The following ARHGAP29 variants were observed in gnomAD, a reference collection of about 807,000 sequenced individuals.
ARHGAP29 encodes rho GTPase-activating protein 29.
Under a neutral mutation model 122.6 loss-of-function variants are expected in ARHGAP29, and 43 were observed. That is an observed-to-expected ratio of 0.35 (90% CI 0.27 to 0.45). The LOEUF is 0.45. ARHGAP29 is among the 20% of genes least tolerant of loss of function. ARHGAP29 has a pLI of 1.00. For missense variants in ARHGAP29, 1,303 were observed against 1,477.2 expected (o/e 0.88, Z 1.93); for synonymous variants, 506 against 497.1 (o/e 1.02, Z -0.24).
the ARHGAP29 span, among the ~76,000 whole-genome samples, chr1:94,293,452 C>T: frequency 5.3e-5 from 8 of 152,328 alleles, no homozygotes; most frequent in South Asian, 1.7e-3. Flanking sequence ...GAGGTGACAC[C>T]CTGTCCTGCT....
chr1:94,286,537 G>A, the ARHGAP29 span, among the ~76,000 whole-genome samples: 35,469 of 151,962 alleles, frequency 0.23, 4,372 homozygotes, highest in East Asian at 0.46. Context: ...GCGTGGTGAT[G>A]CACAACTGTA....
chr1:94,223,489 C>T (rs989956040), intron 2 of ARHGAP29, among the ~76,000 whole-genome samples: 17 of 151,954 alleles, frequency 1.1e-4, no homozygotes, highest in Admixed American at 6.6e-4. Flanking sequence ...AAACACATAA[C>T]GCACTTAGAA....
chr1:94,260,836 G>T (rs905299953), intron 1 of ARHGAP29, among the ~76,000 whole-genome samples: 1 of 152,176 alleles, frequency 6.6e-6, no homozygotes, highest in Non-Finnish European at 1.5e-5. Context: ...GCTGATGCTG[G>T]TGTCTGAGGG....
At chr1:94,244,638 T>C (rs1197492031) in intron 1 of ARHGAP29, among the ~76,000 whole-genome samples, 1 of 151,956 alleles carries the variant, frequency 6.6e-6, no homozygotes, top group Non-Finnish European at 1.5e-5. Flanking sequence ...AGATGGTGGG[T>C]TGGGGACTTA....
chr1:94,179,080 G>A (rs565662679), intron 20 of ARHGAP29, among the ~76,000 whole-genome samples: 5 of 152,292 alleles, frequency 3.3e-5, no homozygotes, highest in African/African-American at 1.2e-4. Flanking sequence ...TTTGTCTGCA[G>A]ATCTGTCCCC....
chr1:94,275,309 G>A (rs895174290), upstream of ARHGAP29, among the ~76,000 whole-genome samples: 5 of 152,114 alleles, frequency 3.3e-5, no homozygotes, highest in Non-Finnish European at 7.4e-5. Flanking sequence ...TTACTAAGAA[G>A]GAAGGGAAAA....
rs75331991 is a variant in ARHGAP29, at chr1:94,264,110, C to T, written c.-33+10902G>A. Among the ~76,000 whole-genome samples the T allele has an allele frequency of 9.8e-3, 1,499 of 152,250 alleles. 23 individuals carry two copies. Among genetic ancestry groups the T allele is most frequent in the African/African-American group, 0.033 (1,384 of 41,542 alleles). ...TCTTCGTACGTAATGCCAAATTGAT[C>T]TCCAGAAAGAACAAACTTATTCACA... On this transcript the variant is annotated intron_variant and NMD_transcript_variant, in intron 1 of 25. Coordinates refer to the ARHGAP29 transcript ENST00000552844.
the ARHGAP29 span, among the ~76,000 whole-genome samples, chr1:94,290,069 C>A: frequency 2.6e-5 from 4 of 152,154 alleles, no homozygotes. Context: ...AGGAATGGTA[C>A]CTGCTCCTCT....
At chr1:94,179,606 A>G in intron 20 of ARHGAP29, 119 bp downstream of exon 20, 1 of 616,910 alleles carries the variant, frequency 1.6e-6, no homozygotes, top group East Asian at 3.8e-5. Context: ...AAAAAAAAAA[A>G]AAAAAAAAAA....
chr1:94,301,005 A>C, the ARHGAP29 span, among the ~76,000 whole-genome samples: 1 of 152,206 alleles, frequency 6.6e-6, no homozygotes, highest in East Asian at 1.9e-4. Context: ...GACATAAGTG[A>C]CATTGGGCAT....
chr1:94,246,956 C>G (rs1653825776), intron 1 of ARHGAP29, among the ~76,000 whole-genome samples: 1 of 151,976 alleles, frequency 6.6e-6, no homozygotes, highest in Non-Finnish European at 1.5e-5. Flanking sequence ...ACGACAGAGA[C>G]GCTCCAGAAG....
chr1:94,233,417 A>T (rs1438473634), intron 1 of ARHGAP29, among the ~76,000 whole-genome samples: 2 of 69,124 alleles, frequency 2.9e-5, no homozygotes, highest in East Asian at 8.4e-4. Flanking sequence ...ACACTAGTGA[A>T]TTACCATCAT....
intron 2 of ARHGAP29, 47 bp from the exon 3 acceptor site, chr1:94,220,439 A>G (rs771722083): frequency 1.6e-5 from 24 of 1,481,906 alleles, no homozygotes; most frequent in Non-Finnish European, 1.9e-5. Flanking sequence ...AAAGTTCCAC[A>G]AATCTAAACT....
At chr1:94,281,566 A>T in the ARHGAP29 span, among the ~76,000 whole-genome samples, 1 of 152,202 alleles carries the variant, frequency 6.6e-6, no homozygotes, top group Admixed American at 6.5e-5. Context: ...GGCAGGAAAT[A>T]AGATGAAAGA....
At chr1:94,262,041 G>A (rs899365557) in intron 1 of ARHGAP29, among the ~76,000 whole-genome samples, 7 of 152,144 alleles carry the variant, frequency 4.6e-5, no homozygotes, top group African/African-American at 1.4e-4. Flanking sequence ...GCATGGAACT[G>A]TTACAAAAAC....
rs1234880605 is a variant in ARHGAP29, at chr1:94,213,810, T to C, written c.341-4460A>G. Among the ~76,000 whole-genome samples, 4 of 152,214 alleles carry C rather than the reference T, an allele frequency of 2.6e-5. No individual in the cohort carries two copies. In the South Asian group the frequency reaches 6.2e-4, roughly 24 times the overall value. Reference sequence around the variant, plus strand: ...CGTACTTTGAGAACTGTTGTGAAGATTAAATGAACTTAGAACAGAGCCTGT... The same window carrying C: ...CGTACTTTGAGAACTGTTGTGAAGACTAAATGAACTTAGAACAGAGCCTGT... On this transcript the variant is annotated intron_variant, in intron 3 of 22. Coordinates refer to ENST00000260526, the MANE Select transcript of ARHGAP29 (RefSeq NM_004815.4).
intron 3 of ARHGAP29, among the ~76,000 whole-genome samples, chr1:94,215,791 A>G (rs1651922889): frequency 6.6e-6 from 1 of 152,208 alleles, no homozygotes; most frequent in Admixed American, 6.5e-5. Flanking sequence ...ATGAAGTAAA[A>G]AAAATTTTTC....
chr1:94,237,422 C>T lies in ARHGAP29; in HGVS notation c.-40G>A. The T allele has an allele frequency of 3.0e-6, 3 of 986,764 alleles. No homozygotes were observed. Among genetic ancestry groups the T allele is most frequent in the Non-Finnish European group, 3.6e-6 (3 of 830,704 alleles). 61.1% of individuals were successfully genotyped at this position (986,764 alleles called of 1,614,324 possible). On this transcript the variant is annotated 5_prime_UTR_variant, in exon 1 of 23. Coordinates refer to ENST00000260526, the MANE Select transcript of ARHGAP29 (RefSeq NM_004815.4). ...CCACCTCCTCACACTCACCACGGCG[C>T]TCCATCTCGCGTGCCGGACGCGGAC... is the stretch of plus-strand genomic sequence containing the variant.
intron 15 of ARHGAP29, among the ~76,000 whole-genome samples, chr1:94,187,293 T>C (rs1223420766): frequency 6.6e-6 from 1 of 152,204 alleles, no homozygotes; most frequent in Non-Finnish European, 1.5e-5. Flanking sequence ...GCCTTAAACG[T>C]TTCAAATTCA....
Sources: gnomAD v4.1 joint callset for allele counts (sites outside exome capture counted in the v4.1 genomes callset) on GRCh38, gnomAD v4.1.1 for gene constraint, MANE v1.5 for transcripts, NCBI Gene and HGNC (gene_info 2026-07-23, HGNC 2026-07-21) for gene names.